Variants in TAMM41 observed in about 807,000 individuals in gnomAD.
TAMM41 encodes the protein TAM41 mitochondrial translocator assembly and maintenance homolog.
TAMM41 carries 36 observed loss-of-function variants against 44.1 expected under a neutral mutation model. That is an observed-to-expected ratio of 0.82 (90% CI 0.63 to 1.08). The LOEUF (loss-of-function observed/expected upper bound fraction) is 1.08. TAMM41 is among the 50% of genes least tolerant of loss of function. The pLI, the probability that TAMM41 is intolerant of heterozygous loss-of-function variation, is 0.00. For synonymous variants in TAMM41, 164 were observed against 153.1 expected (o/e 1.07, Z -0.53); for missense variants, 417 against 404.3 (o/e 1.03, Z -0.27).
chr3:11,839,390 A>C lies in TAMM41; in HGVS notation c.319-76T>G, dbSNP rs527736395. 3.1e-6 allele frequency: 3 copies of C among 976,008 alleles called. No homozygotes were observed. In the Admixed American group the frequency reaches 7.0e-5, roughly 23 times the overall value. 60.5% of individuals were successfully genotyped at this position (976,008 alleles called of 1,614,324 possible). A position where few individuals can be genotyped will look rare whatever the true frequency, so the allele number is the denominator to read the frequency against. On this transcript the variant is annotated intron_variant, in intron 2 of 7. Transcript: ENST00000455809. ...CTTATACAAGTATAAAATATAAGGA[A>C]ACAGATAAAATTCTTGACCAGAGCA...
chr3:11,787,363 A>C (rs1432552792), downstream of TAMM41, among the ~76,000 whole-genome samples: 3 of 152,322 alleles, frequency 2.0e-5, no homozygotes, highest in Non-Finnish European at 4.4e-5. Context: ...CTCCAGCAAC[A>C]CAGCAGCAGG....
the TAMM41 span, among the ~76,000 whole-genome samples, chr3:11,783,780 G>C: frequency 6.6e-6 from 1 of 152,208 alleles, no homozygotes; most frequent in Non-Finnish European, 1.5e-5. Context: ...AGAGCACTGA[G>C]ACCGGATTCA....
intron 3 of TAMM41, among the ~76,000 whole-genome samples, chr3:11,837,960 C>A (rs1039952904): frequency 6.6e-6 from 1 of 152,220 alleles, no homozygotes; most frequent in Non-Finnish European, 1.5e-5. Flanking sequence ...GTCACACCAA[C>A]CAATTCTCCA....
the TAMM41 span, among the ~76,000 whole-genome samples, chr3:11,743,622 C>G: frequency 6.6e-6 from 1 of 152,094 alleles, no homozygotes; most frequent in Non-Finnish European, 1.5e-5. Context: ...CGTGAGCCAC[C>G]CTGCCTGGCC....
chr3:11,810,236 A>C (rs138314153), intron 5 of TAMM41, among the ~76,000 whole-genome samples: 66 of 152,366 alleles, frequency 4.3e-4, no homozygotes, highest in African/African-American at 1.3e-3. Flanking sequence ...CCCAGCACAC[A>C]GTAGGTACTC....
chr3:11,768,235 C>T, the TAMM41 span, among the ~76,000 whole-genome samples: 1 of 151,760 alleles, frequency 6.6e-6, no homozygotes. Flanking sequence ...CTCCAGGGCT[C>T]AAGCAATCCT....
intron 2 of TAMM41, among the ~76,000 whole-genome samples, chr3:11,840,530 C>A (rs557978818): frequency 6.6e-6 from 1 of 152,008 alleles, no homozygotes; most frequent in East Asian, 1.9e-4. Context: ...CTACCATGCC[C>A]GGCCTGATTA....
chr3:11,825,548 G>A (rs567025831), intron 4 of TAMM41, among the ~76,000 whole-genome samples: 1 of 152,326 alleles, frequency 6.6e-6, no homozygotes, highest in Admixed American at 6.5e-5. Flanking sequence ...ACACTTTAGA[G>A]AGCTGGCACT....
At chr3:11,722,612 A>G in the TAMM41 span, among the ~76,000 whole-genome samples, 1 of 152,340 alleles carries the variant, frequency 6.6e-6, no homozygotes, top group Non-Finnish European at 1.5e-5. Flanking sequence ...CTGCAATAAA[A>G]TGATATAAAA....
At chr3:11,765,703 ATTTTT>A in the TAMM41 span, among the ~76,000 whole-genome samples, 316 of 142,282 alleles carry the variant, frequency 2.2e-3, no homozygotes, top group African/African-American at 7.7e-3. Flanking sequence ...TGGAGTCAAA[ATTTTT>A]TTTTTTTTTT....
intron 4 of TAMM41, among the ~76,000 whole-genome samples, chr3:11,828,620 C>T (rs537445423): frequency 7.2e-5 from 11 of 152,188 alleles, no homozygotes; most frequent in Non-Finnish European, 1.5e-4. Flanking sequence ...CAGCACAGGG[C>T]CACGCCACTC....
At chr3:11,839,424 A>G in intron 2 of TAMM41, 110 bp from the exon 3 acceptor site, 1 of 671,712 alleles carries the variant, frequency 1.5e-6, no homozygotes, top group Non-Finnish European at 2.4e-6. Flanking sequence ...CAGTACCTTG[A>G]TTCCAAAGCC....
At chr3:11,733,289 G>T in the TAMM41 span, among the ~76,000 whole-genome samples, 3 of 151,870 alleles carry the variant, frequency 2.0e-5, no homozygotes, top group South Asian at 6.2e-4. Flanking sequence ...ATGAGCCACC[G>T]CACCAAGCCT....
chr3:11,770,431 G>A, the TAMM41 span, among the ~76,000 whole-genome samples: 17 of 152,296 alleles, frequency 1.1e-4, no homozygotes, highest in African/African-American at 3.8e-4. Flanking sequence ...GGGCAGTTTC[G>A]ATCACTGGCT....
At chr3:11,744,806 T>C in the TAMM41 span, among the ~76,000 whole-genome samples, 1 of 152,034 alleles carries the variant, frequency 6.6e-6, no homozygotes, top group East Asian at 1.9e-4. Flanking sequence ...GCAAGAGGAT[T>C]CCTTGAGCCC....
chr3:11,816,600 C>CA (rs932436737), intron 5 of TAMM41, among the ~76,000 whole-genome samples: 2 of 151,606 alleles, frequency 1.3e-5, no homozygotes, highest in African/African-American at 4.8e-5. Context: ...CCTGTCTCTA[C>CA]AAAAAAAATA....
chr3:11,773,630 C>T, the TAMM41 span, among the ~76,000 whole-genome samples: 1 of 152,158 alleles, frequency 6.6e-6, no homozygotes, highest in African/African-American at 2.4e-5. Context: ...CTGAGTAGCT[C>T]AACAGCTTGT....
At position 11,839,266 on chromosome 3, in the gene TAMM41, G is replaced by C; in HGVS notation, c.367C>G (p.Leu123Val). ...GCAATGTATAAGTTATTCCAGTTGA[G>C]GAGATCTTCAATCAGAACGTTAGTG... Reference protein sequence around the residue: ...ISTNVLIEDLLNWNNLYIAGR... With the variant: ...ISTNVLIEDLVNWNNLYIAGR... The change falls in exon 3 of 8, where the codon CTC becomes GTC. Residue 123 changes from leucine to valine, a missense_variant. Transcript: ENST00000455809. 6.2e-7 allele frequency: 1 copy of C among 1,613,634 alleles called. No homozygotes were observed. The highest frequency in any genetic ancestry group is 8.5e-7 in the Non-Finnish European group (1 of 1,179,784).
At chr3:11,726,884 G>A in the TAMM41 span, among the ~76,000 whole-genome samples, 2 of 151,868 alleles carry the variant, frequency 1.3e-5, no homozygotes, top group South Asian at 2.1e-4. Context: ...GTGGAGGAGC[G>A]CTAAAAATCC....
Sources: allele counts gnomAD v4.1 joint callset (sites outside exome capture counted in the v4.1 genomes callset), GRCh38; gene constraint gnomAD v4.1.1; transcripts MANE v1.5; gene names NCBI Gene and HGNC (gene_info 2026-07-23, HGNC 2026-07-21).